Variants in WDR27 observed in about 807,000 individuals in gnomAD.
WDR27 encodes the protein WD repeat domain 27.
In WDR27, 100 loss-of-function variants were observed where a neutral mutation model predicts 114.4. That is an observed-to-expected ratio of 0.87 (90% confidence interval 0.74 to 1.03). The LOEUF is 1.03. Ranked by LOEUF, WDR27 falls within the 50% of genes least tolerant of loss-of-function variation. The pLI, the probability that WDR27 is intolerant of heterozygous loss-of-function variation, is 0.00. For synonymous variants in WDR27, 449 were observed against 423.1 expected, an observed-to-expected ratio of 1.06 and a Z score of -0.75; for missense variants, 1,129 against 1,092.9, an observed-to-expected ratio of 1.03 and a Z score of -0.47.
intron 25 of WDR27, among the ~76,000 whole-genome samples, chr6:169,534,182 C>A (rs1161680896): frequency 6.6e-6 from 1 of 152,154 alleles, no homozygotes; most frequent in Non-Finnish European, 1.5e-5. Flanking sequence ...TGATGTGATG[C>A]ATTACATGTG....
chr6:169,557,349 C>T (rs1799048035), intron 25 of WDR27, among the ~76,000 whole-genome samples: 1 of 152,192 alleles, frequency 6.6e-6, no homozygotes, highest in African/African-American at 2.4e-5. Flanking sequence ...GTGATGGACA[C>T]AAGAGCAGTT....
intron 13 of WDR27, among the ~76,000 whole-genome samples, chr6:169,657,382 G>A (rs895776165): frequency 3.9e-5 from 6 of 152,226 alleles, no homozygotes; most frequent in African/African-American, 7.2e-5. Context: ...GTCTGAGGAC[G>A]GACTGACGCA....
rs114951137 is a variant in WDR27, at chr6:169,550,227, G to A, written c.2645+22192C>T. 2.1e-3 allele frequency among the ~76,000 whole-genome samples: 322 copies of A among 152,178 alleles called. 4 individuals are homozygous for A. Among genetic ancestry groups the A allele is most frequent in the African/African-American group, 5.9e-3 (246 of 41,514 alleles). On this transcript the variant is annotated intron_variant, in intron 25 of 25. Transcript: ENST00000448612. ...AACTTTCAGAAAAGCTGCACATATC[G>A]TTATAAGAGTGTTCAGTTACTTTGT...
chr6:169,557,847 T>C (rs1278553974), intron 25 of WDR27, among the ~76,000 whole-genome samples: 1 of 152,154 alleles, frequency 6.6e-6, no homozygotes, highest in East Asian at 1.9e-4. Flanking sequence ...GGACAGAAGA[T>C]TATCACTAAA....
intron 25 of WDR27, among the ~76,000 whole-genome samples, chr6:169,472,363 A>T (rs1302145981): frequency 6.6e-6 from 1 of 152,192 alleles, no homozygotes; most frequent in Non-Finnish European, 1.5e-5. Flanking sequence ...TTAACATTTT[A>T]AAATATTTTC....
In WDR27 at chr6:169,482,377, G is replaced by A. The variant is rs1788287613; in HGVS notation, c.2646-24743C>T. 3.3e-5 allele frequency among the ~76,000 whole-genome samples: 5 copies of A among 152,298 alleles called. No homozygotes were observed. The South Asian group carries it at 1.0e-3, about 32-fold the overall frequency. On this transcript the variant is annotated intron_variant, in intron 25 of 25. Coordinates refer to ENST00000448612, the MANE Select transcript of WDR27 (RefSeq NM_182552.5). ...TAGGTCTTTGAGGAATCACCACACT[G>A]TCTTCCACAATGGTTGAACTAATTT...
At chr6:169,438,024 A>G in the WDR27 span, among the ~76,000 whole-genome samples, 294 of 152,236 alleles carry the variant, frequency 1.9e-3, 1 homozygote, top group African/African-American at 6.8e-3. Context: ...ATAGTACCCA[A>G]TAGGTAGTTT....
Position 169,634,477 on chromosome 6 carries a change from C to T in WDR27, c.2052G>A (p.Thr684=), listed in dbSNP as rs183755385. Residue 684 remains threonine (T), a synonymous_variant, in exon 20 of 26, where the codon ACG becomes ACA. Coordinates refer to ENST00000448612, the MANE Select transcript of WDR27 (RefSeq NM_182552.5). ...ATAAACTGGTCATGTCTACTGCACCCGTCGTGGAGAGCCTGCAAATCAGCT... is the reference window on the plus strand; with the variant it reads ...ATAAACTGGTCATGTCTACTGCACCTGTCGTGGAGAGCCTGCAAATCAGCT... ...KSKLICRLST[T]GAVDMTSLSA... is the part of the protein sequence containing the mutation. The T allele has an allele frequency of 1.1e-4, 174 of 1,613,218 alleles. No homozygotes were observed. In the Admixed American group the frequency reaches 1.1e-3, roughly 11 times the overall value.
intron 22 of WDR27, among the ~76,000 whole-genome samples, chr6:169,602,706 G>A (rs188464708): frequency 6.6e-6 from 1 of 152,104 alleles, no homozygotes; most frequent in Non-Finnish European, 1.5e-5. Context: ...ATCGAGGGTG[G>A]TTAAGTTTCA....
chr6:169,632,002 T>C (rs1816519403), intron 21 of WDR27, among the ~76,000 whole-genome samples: 1 of 151,848 alleles, frequency 6.6e-6, no homozygotes, highest in African/African-American at 2.4e-5. Flanking sequence ...CTGACCAACA[T>C]GGTGAAACTC....
intron 25 of WDR27, among the ~76,000 whole-genome samples, chr6:169,490,863 T>A (rs1789659411): frequency 6.6e-6 from 1 of 152,132 alleles, no homozygotes; most frequent in African/African-American, 2.4e-5. Flanking sequence ...GATTGCAGCA[T>A]CGTAACTTTG....
At chr6:169,662,714 GAC>G (rs1826613268) in intron 8 of WDR27, among the ~76,000 whole-genome samples, 1 of 140,484 alleles carries the variant, frequency 7.1e-6, no homozygotes, top group Non-Finnish European at 1.5e-5. Flanking sequence ...CACCCAGCAT[GAC>G]GCGTGTGCAC....
At chr6:169,589,449 C>G (rs574165226) in intron 23 of WDR27, among the ~76,000 whole-genome samples, 3 of 152,314 alleles carry the variant, frequency 2.0e-5, no homozygotes, top group African/African-American at 7.2e-5. Context: ...TTCCTGAGAT[C>G]AGCTGGCTCC....
rs1379212014 is a variant in WDR27, at chr6:169,701,953, G to C, written c.-410C>G. ...CCCAGCTCCCAGGAGGGCACGCAGA[G>C]GACTACCGAGCCACACTCCGCCCCA... On this transcript the variant is annotated 5_prime_UTR_variant, in exon 1 of 26. Coordinates refer to ENST00000448612, the MANE Select transcript of WDR27 (RefSeq NM_182552.5). 2.6e-6 allele frequency: 1 copy of C among 377,848 alleles called. No individual in the cohort carries two copies. The highest frequency in any genetic ancestry group is 2.1e-5 in the African/African-American group (1 of 47,596). The allele number at this position is 377,848 out of a possible 1,614,324, so 23.4% of individuals were successfully genotyped here.
intron 25 of WDR27, among the ~76,000 whole-genome samples, chr6:169,542,386 C>CA (rs1396496858): frequency 6.6e-6 from 1 of 151,576 alleles, no homozygotes; most frequent in Non-Finnish European, 1.5e-5. Flanking sequence ...CATTCCTGAC[C>CA]AAAAAAATAT....
chr6:169,617,091 T>A (rs1812011569), intron 21 of WDR27, among the ~76,000 whole-genome samples: 1 of 152,078 alleles, frequency 6.6e-6, no homozygotes, highest in African/African-American at 2.4e-5. Flanking sequence ...TTGTGGGGGA[T>A]CAATACCTAG....
chr6:169,588,717 G>C (rs1003453175), intron 23 of WDR27, among the ~76,000 whole-genome samples: 3 of 152,210 alleles, frequency 2.0e-5, no homozygotes, highest in African/African-American at 7.2e-5. Flanking sequence ...CAGGTTCCCA[G>C]GTCAGGCTGC....
At chr6:169,623,027 G>A (rs1234980585) in intron 21 of WDR27, among the ~76,000 whole-genome samples, 1 of 152,158 alleles carries the variant, frequency 6.6e-6, no homozygotes, top group Admixed American at 6.5e-5. Context: ...TAATGTAGCT[G>A]GAGGCTACAA....
intron 25 of WDR27, among the ~76,000 whole-genome samples, chr6:169,521,658 A>C (rs1794398650): frequency 6.6e-6 from 1 of 152,140 alleles, no homozygotes; most frequent in Non-Finnish European, 1.5e-5. Flanking sequence ...AAGTCAAAAT[A>C]GATGGAGCTT....
Sources: allele counts gnomAD v4.1 joint callset (sites outside exome capture counted in the v4.1 genomes callset), GRCh38; gene constraint gnomAD v4.1.1; transcripts MANE v1.5; gene names NCBI Gene and HGNC (gene_info 2026-07-23, HGNC 2026-07-21).